The following CNTLN variants were observed in gnomAD, a reference collection of about 807,000 sequenced individuals.
CNTLN encodes the protein centlein, centrosomal protein.
Under a neutral mutation model 180.0 loss-of-function variants are expected in CNTLN, and 212 were observed. That is an observed-to-expected ratio of 1.18 (90% CI 1.05 to 1.32). The LOEUF (loss-of-function observed/expected upper bound fraction) is 1.32, where lower values mean the gene tolerates loss of function less well. CNTLN is among the 40% of genes most tolerant of loss of function. The pLI is 0.00. For missense variants in CNTLN, 2,095 were observed against 1,610.9 expected, an observed-to-expected ratio of 1.30 and a Z score of -5.14; for synonymous variants, 722 against 563.1, an observed-to-expected ratio of 1.28 and a Z score of -3.99.
chr9:17,416,894 A>G (rs1828295611), intron 18 of CNTLN, among the ~76,000 whole-genome samples: 2 of 149,976 alleles, frequency 1.3e-5, no homozygotes, highest in African/African-American at 2.5e-5. Context: ...ATTTCATTAT[A>G]TTAGAAAACA....
intron 2 of CNTLN, among the ~76,000 whole-genome samples, chr9:17,189,284 A>G (rs974381629): frequency 6.6e-6 from 1 of 150,832 alleles, no homozygotes; most frequent in Non-Finnish European, 1.5e-5. Context: ...GGGTTTCACC[A>G]TGTTAGCCAG....
intron 5 of CNTLN, among the ~76,000 whole-genome samples, chr9:17,264,132 G>C (rs1184262930): frequency 7.0e-6 from 1 of 143,478 alleles, no homozygotes; most frequent in Non-Finnish European, 1.5e-5. Context: ...CCTATGTCCT[G>C]AATGGTATTG....
chr9:17,468,201 G>T (rs1831856762), intron 23 of CNTLN, among the ~76,000 whole-genome samples: 1 of 151,680 alleles, frequency 6.6e-6, no homozygotes, highest in East Asian at 1.9e-4. Flanking sequence ...AGTACACATG[G>T]ACACAAAGAA....
chr9:17,171,586 G>C (rs543348670), intron 2 of CNTLN, among the ~76,000 whole-genome samples: 2 of 152,262 alleles, frequency 1.3e-5, no homozygotes, highest in African/African-American at 4.8e-5. Context: ...TTGTGGTTGA[G>C]GGTATCCCTC....
chr9:17,146,418 C>G (rs1024063805), intron 2 of CNTLN, among the ~76,000 whole-genome samples: 1 of 152,090 alleles, frequency 6.6e-6, no homozygotes, highest in Non-Finnish European at 1.5e-5. Context: ...TGGTGTCCCC[C>G]CAAAATTCGT....
At chr9:17,226,047 G>A (rs1394603442) in intron 2 of CNTLN, among the ~76,000 whole-genome samples, 156 bp from the exon 3 acceptor site, 1 of 149,094 alleles carries the variant, frequency 6.7e-6, no homozygotes, top group African/African-American at 2.4e-5. Flanking sequence ...AGTTGTCTTA[G>A]TTTTCAGCAG....
At chr9:17,495,546 T>C (rs750310148) in intron 25 of CNTLN, among the ~76,000 whole-genome samples, 11 of 152,226 alleles carry the variant, frequency 7.2e-5, no homozygotes, top group Non-Finnish European at 1.2e-4. Context: ...ATGTTTATGT[T>C]TTAAGCTAAG....
At chr9:17,223,890 G>A (rs899410806) in intron 2 of CNTLN, among the ~76,000 whole-genome samples, 8 of 151,912 alleles carry the variant, frequency 5.3e-5, no homozygotes, top group Non-Finnish European at 1.0e-4. Flanking sequence ...TACTATAAAT[G>A]TGTGTACTTC....
intron 2 of CNTLN, chr9:17,167,002 TAAG>T (rs751467633): frequency 3.5e-6 from 1 of 289,344 alleles, no homozygotes; most frequent in East Asian, 1.4e-4. Context: ...AGCAGTTCTT[TAAG>T]AAGGATGACT....
rs200021988 is a variant in CNTLN at position 17,140,437 on chromosome 9, GGTTAT to G, written c.361-2847_361-2843del. Among the ~76,000 whole-genome samples the G allele has an allele frequency of 8.3e-3, 1,240 of 148,918 alleles. 44 individuals are homozygous for G. The highest frequency in any genetic ancestry group is 0.071 in the Admixed American group (1,073 of 15,154). On this transcript the variant is annotated intron_variant, in intron 1 of 25. Transcript: ENST00000380647. ...AAAAATGGTGGGTGTATGAGGTAAT[GGTTAT>G]GTTTTTTTCTTTGTTTTTTGAGATA...
chr9:17,471,031 T>C (rs1213059298), intron 23 of CNTLN, among the ~76,000 whole-genome samples: 1 of 152,052 alleles, frequency 6.6e-6, no homozygotes, highest in Non-Finnish European at 1.5e-5. Flanking sequence ...CTTTTCACCC[T>C]GTCATTATAC....
chr9:17,484,494 A>C lies in CNTLN; in HGVS notation c.4041+14A>C. ...GAAGATCAAGTGGTAAGATCATTTAAATATTTATTATTAAAGGGTTTATTA... is the reference window on the plus strand; with the variant it reads ...GAAGATCAAGTGGTAAGATCATTTACATATTTATTATTAAAGGGTTTATTA... On this transcript the variant is annotated intron_variant, in intron 24 of 25. Transcript: ENST00000380647. 6.4e-7 allele frequency: 1 copy of C among 1,567,388 alleles called. No homozygotes were observed. Among genetic ancestry groups the C allele is most frequent in the African/African-American group, 1.4e-5 (1 of 72,340 alleles).
chr9:17,201,381 A>G (rs879474194), intron 2 of CNTLN, among the ~76,000 whole-genome samples: 4 of 151,784 alleles, frequency 2.6e-5, no homozygotes, highest in South Asian at 4.1e-4. Flanking sequence ...CTCTTTTTCT[A>G]TTGTTTGGAA....
chr9:17,306,146 A>ATTTTT lies in CNTLN; in HGVS notation c.1147-2895_1147-2891dup, dbSNP rs572150057. Among the ~76,000 whole-genome samples, 36 of 127,996 alleles carry ATTTTT rather than the reference A, an allele frequency of 2.8e-4. 1 individual carries two copies. Among genetic ancestry groups the ATTTTT allele is most frequent in the South Asian group, 5.0e-4 (2 of 4,008 alleles). 84.0% of individuals were successfully genotyped at this position (127,996 alleles called of 152,430 possible). A position where few individuals can be genotyped will look rare whatever the true frequency, so the allele number is the denominator to read the frequency against. On this transcript the variant is annotated intron_variant, in intron 7 of 25. Coordinates refer to ENST00000380647, the MANE Select transcript of CNTLN (RefSeq NM_017738.4). ...ACAAGAAGGGTGCTATTAGTCGTCT[A>ATTTTT]TTTTTTTTTTTTTTTTTTTTTGAGT...
intron 5 of CNTLN, among the ~76,000 whole-genome samples, chr9:17,261,115 C>T (rs533260102): frequency 2.2e-4 from 34 of 151,560 alleles, no homozygotes; most frequent in Admixed American, 9.2e-4. Flanking sequence ...TAATGTGATG[C>T]ATCTGGCTTT....
intron 8 of CNTLN, among the ~76,000 whole-genome samples, chr9:17,315,863 T>C (rs894938656): frequency 4.6e-5 from 7 of 152,062 alleles, no homozygotes; most frequent in Non-Finnish European, 1.0e-4. Context: ...TAGGTCTTTA[T>C]CTGTATAGAT....
chr9:17,322,077 C>G (rs1264815834), intron 8 of CNTLN, among the ~76,000 whole-genome samples: 1 of 151,904 alleles, frequency 6.6e-6, no homozygotes, highest in Admixed American at 6.6e-5. Flanking sequence ...TGAAAACTGC[C>G]TTGTAATTTG....
At chr9:17,455,887 G>A (rs1188470346) in intron 18 of CNTLN, among the ~76,000 whole-genome samples, 5 of 151,638 alleles carry the variant, frequency 3.3e-5, no homozygotes, top group Admixed American at 1.3e-4. Context: ...TAATCTTAGA[G>A]AGCCTTATTA....
intron 8 of CNTLN, among the ~76,000 whole-genome samples, chr9:17,323,224 C>T (rs1401489667): frequency 1.3e-5 from 2 of 152,060 alleles, no homozygotes; most frequent in Non-Finnish European, 2.9e-5. Flanking sequence ...TCAGTAACTA[C>T]TACTGAGGCA....
Sources: gnomAD v4.1 joint callset for allele counts (sites outside exome capture counted in the v4.1 genomes callset) on GRCh38, gnomAD v4.1.1 for gene constraint, MANE v1.5 for transcripts, NCBI Gene and HGNC (gene_info 2026-07-23, HGNC 2026-07-21) for gene names.